NFIA: variants seen among roughly 807,000 people sequenced by gnomAD.
NFIA encodes nuclear factor I A.
In NFIA, 8 loss-of-function variants were observed where a neutral mutation model predicts 62.8. That is an observed-to-expected ratio of 0.13 (90% confidence interval 0.07 to 0.23). NFIA has a LOEUF of 0.23. Among genes scored for constraint, NFIA ranks in the 10% least tolerant of loss-of-function variants. NFIA has a pLI of 1.00. For synonymous variants in NFIA, 235 were observed against 238.1 expected (o/e 0.99, Z 0.12); for missense variants, 410 against 642.1 (o/e 0.64, Z 3.91).
rs536460989 is a variant in NFIA, at chr1:61,154,057, G to C, written c.559+65377G>C. On this transcript the variant is annotated intron_variant, in intron 2 of 10. Transcript: ENST00000403491. ...GACAATTTGAAAACTTGGCTCTCCA[G>C]TTAAGAAGAATCATTTTTTACACTT... Among the ~76,000 whole-genome samples, 59 of 152,344 alleles carry C rather than the reference G, an allele frequency of 3.9e-4. 1 individual carries two copies. In the Middle Eastern group the frequency reaches 0.02, roughly 53 times the overall value.
intron 2 of NFIA, among the ~76,000 whole-genome samples, chr1:61,213,052 G>T (rs1653366213): frequency 2.0e-5 from 3 of 152,134 alleles, no homozygotes; most frequent in African/African-American, 7.2e-5. Flanking sequence ...CCTATGTTCT[G>T]TGGTATCAGG....
chr1:61,444,709 T>C (rs1667731475), intron 10 of NFIA, among the ~76,000 whole-genome samples: 1 of 152,234 alleles, frequency 6.6e-6, no homozygotes, highest in Non-Finnish European at 1.5e-5. Context: ...CAAATTGGCA[T>C]GTCTGCAAGA....
chr1:61,245,179 G>T (rs1422720015), intron 2 of NFIA, among the ~76,000 whole-genome samples: 3 of 152,032 alleles, frequency 2.0e-5, no homozygotes, highest in African/African-American at 7.2e-5. Flanking sequence ...AATTTAGATG[G>T]GTTTTTCTTA....
chr1:61,404,378 ATGT>A (rs1665718775), intron 8 of NFIA, 96 bp downstream of exon 8: 5 of 1,264,166 alleles, frequency 4.0e-6, no homozygotes, highest in Admixed American at 5.6e-5. Context: ...TTGTGCTCTA[ATGT>A]TGTGCTGACT....
At chr1:61,292,591 C>G (rs1271631199) in intron 3 of NFIA, among the ~76,000 whole-genome samples, 1 of 152,052 alleles carries the variant, frequency 6.6e-6, no homozygotes, top group Admixed American at 6.6e-5. Context: ...TTGTGATCTC[C>G]TAAAGTTATT....
chr1:61,314,986 GAATA>G (rs1369770820), intron 3 of NFIA, among the ~76,000 whole-genome samples: 1 of 152,036 alleles, frequency 6.6e-6, no homozygotes, highest in Non-Finnish European at 1.5e-5. Context: ...TTTGTTGAAT[GAATA>G]AATCAGGCTG....
At chr1:61,320,585 T>A (rs1660629905) in intron 3 of NFIA, among the ~76,000 whole-genome samples, 1 of 152,166 alleles carries the variant, frequency 6.6e-6, no homozygotes, top group South Asian at 2.1e-4. Context: ...ATTGCTTCAC[T>A]CCATCCAGGA....
At chr1:61,174,859 G>A (rs183693209) in intron 2 of NFIA, among the ~76,000 whole-genome samples, 5 of 152,232 alleles carry the variant, frequency 3.3e-5, no homozygotes, top group Admixed American at 2.0e-4. Flanking sequence ...CATTTGAAAA[G>A]CTAGCATTTT....
At chr1:61,099,003 A>G (rs918996648) in intron 2 of NFIA, among the ~76,000 whole-genome samples, 1 of 152,206 alleles carries the variant, frequency 6.6e-6, no homozygotes, top group Non-Finnish European at 1.5e-5. Context: ...TTGAAGAACT[A>G]ATTGTTCTAA....
chr1:61,461,298 ATG>A lies in NFIA; in HGVS notation c.*5980_*5981del, dbSNP rs1261458621. The A allele has an allele frequency of 6.6e-6, 1 of 152,224 alleles. No homozygotes were observed. Among genetic ancestry groups the A allele is most frequent in the East Asian group, 1.9e-4 (1 of 5,200 alleles). 9.4% of individuals were successfully genotyped at this position (152,224 alleles called of 1,614,324 possible). A position where few individuals can be genotyped will look rare whatever the true frequency, so the allele number is the denominator to read the frequency against. ...ATTAAAAGGAAAAATAAGAAAAAAAATGTAAGAAATCACATGGCTATTTAGTT... is the reference window on the plus strand; with the variant it reads ...ATTAAAAGGAAAAATAAGAAAAAAAATAAGAAATCACATGGCTATTTAGTT... On this transcript the variant is annotated 3_prime_UTR_variant, in exon 11 of 11. Coordinates refer to ENST00000403491, the MANE Select transcript of NFIA (RefSeq NM_001134673.4).
At chr1:61,311,249 G>A (rs1660095609) in intron 3 of NFIA, among the ~76,000 whole-genome samples, 1 of 152,012 alleles carries the variant, frequency 6.6e-6, no homozygotes, top group Admixed American at 6.6e-5. Flanking sequence ...AAATTATCCG[G>A]GTTTGGTGGC....
rs190869700 is a variant in NFIA at position 61,374,337 on chromosome 1, G to A, written c.947-8900G>A. On this transcript the variant is annotated intron_variant, in intron 6 of 10. Transcript: ENST00000403491. ...CTTTCCTGAACACATGGGGGGATGG[G>A]ATGGCTAGGGGGCAGATGGAATGGG... Among the ~76,000 whole-genome samples the A allele has an allele frequency of 1.2e-4, 19 of 152,192 alleles. No individual in the cohort carries two copies. The East Asian group carries it at 1.4e-3, about 11-fold the overall frequency.
intron 1 of NFIA, 124 bp downstream of exon 1, chr1:61,082,942 C>G (rs1646141258): frequency 3.3e-6 from 2 of 613,700 alleles, no homozygotes; most frequent in Admixed American, 1.6e-4. Flanking sequence ...CGGTGTGTGT[C>G]TGTGTCTGCG....
intron 7 of NFIA, among the ~76,000 whole-genome samples, chr1:61,398,145 C>T (rs778402053): frequency 1.1e-4 from 16 of 152,200 alleles, no homozygotes; most frequent in African/African-American, 2.9e-4. Context: ...GGAACACAGC[C>T]GCGCTCATTT....
chr1:61,164,943 A>G (rs147521570), intron 2 of NFIA, among the ~76,000 whole-genome samples: 222 of 152,294 alleles, frequency 1.5e-3, no homozygotes, highest in African/African-American at 5.2e-3. Context: ...TGGGGATTAT[A>G]AAGTGAAGGT....
chr1:61,236,334 G>A (rs893203125), intron 2 of NFIA, among the ~76,000 whole-genome samples: 1 of 152,128 alleles, frequency 6.6e-6, no homozygotes, highest in Admixed American at 6.5e-5. Flanking sequence ...TGTAGTTAGG[G>A]TCCCCAAACA....
chr1:61,333,043 G>GCATGCACA (rs1661379014), intron 4 of NFIA, among the ~76,000 whole-genome samples: 1 of 134,366 alleles, frequency 7.4e-6, no homozygotes, highest in Non-Finnish European at 1.6e-5. Context: ...AATCTAGCAT[G>GCATGCACA]CACGCACACA....
Position 61,441,331 on chromosome 1 carries a change from G to GTGTCTGTC in NFIA, c.1513-13956_1513-13949dup, listed in dbSNP as rs1188222630. 8.0e-3 allele frequency among the ~76,000 whole-genome samples: 1,134 copies of GTGTCTGTC among 142,412 alleles called. 18 individuals carry two copies. The highest frequency in any genetic ancestry group is 0.029 in the African/African-American group (1,083 of 36,832). The allele number at this position is 142,412 out of a possible 152,430, so 93.4% of individuals were successfully genotyped here. A position where few individuals can be genotyped will look rare whatever the true frequency, so the allele number is the denominator to read the frequency against. On this transcript the variant is annotated intron_variant, in intron 10 of 10. Transcript: ENST00000403491. ...TGTGTGTGTGTGTGTGTGTGTGTGT[G>GTGTCTGTC]TGTCTGTCTGTCTGTCTGTCTGTGT...
At chr1:61,235,955 C>G (rs1453854380) in intron 2 of NFIA, among the ~76,000 whole-genome samples, 1 of 152,002 alleles carries the variant, frequency 6.6e-6, no homozygotes, top group Non-Finnish European at 1.5e-5. Context: ...TAGGTTAGTG[C>G]CTGACAATGT....
Sources: gnomAD v4.1 joint callset for allele counts (sites outside exome capture counted in the v4.1 genomes callset) on GRCh38, gnomAD v4.1.1 for gene constraint, MANE v1.5 for transcripts, NCBI Gene and HGNC (gene_info 2026-07-23, HGNC 2026-07-21) for gene names.